TRO: variants seen among roughly 807,000 people sequenced by gnomAD.
The protein encoded by TRO is MAGE superfamily protein.
In TRO, 29 loss-of-function variants were observed where a neutral mutation model predicts 42.3. The observed-to-expected ratio is 0.68, with a 90% confidence interval of 0.51 to 0.93. The LOEUF (loss-of-function observed/expected upper bound fraction) is 0.93, where lower values mean the gene tolerates loss of function less well. TRO is among the 40% of genes least tolerant of loss of function. The pLI is 0.00. For missense variants in TRO, 963 were observed against 1,127.7 expected, an observed-to-expected ratio of 0.85 and a Z score of 2.09; for synonymous variants, 384 against 425.2, an observed-to-expected ratio of 0.90 and a Z score of 1.19.
Position 54,922,963 on chromosome X carries a change from G to A in TRO, c.431G>A (p.Arg144Lys), listed in dbSNP as rs768780372. Residue 144 changes from arginine (R) to lysine (K), a missense_variant, in exon 3 of 13, where the codon AGA becomes AAA. Arg to Lys is a conservative substitution (Grantham distance 26). Transcript: ENST00000173898. ...CCTAAGAAAGCCAACAAGATGAAGA[G>A]AGTTACTGCCAAGGCAGCCCAAGGC... Reference protein sequence around the residue: ...AQPKKANKMKRVTAKAAQGSQ... With the variant: ...AQPKKANKMKKVTAKAAQGSQ... 1.7e-5 allele frequency: 20 copies of A among 1,212,087 alleles called. No individual in the cohort carries two copies. The highest frequency in any genetic ancestry group is 2.2e-5 in the Non-Finnish European group (20 of 895,639).
chrX:54,925,570 A>T (rs1315485646), intron 6 of TRO, 22 bp from the exon 7 acceptor site: 1 of 1,189,740 alleles, frequency 8.4e-7, no homozygotes, highest in Admixed American at 2.2e-5. Context: ...GTGATCTCAC[A>T]GGCTATTCTT....
In TRO at chrX:54,921,606, A is replaced by T. The variant is rs764549162; in HGVS notation, c.-44-597A>T. ...GGGAGGGGGCTTATTAAAGGAAGGG[A>T]AGATGAAGAGAAATGCTGCAGAGCG... On this transcript the variant is annotated intron_variant, in intron 1 of 12. Coordinates refer to ENST00000173898, the MANE Select transcript of TRO (RefSeq NM_001039705.3). Among the ~76,000 whole-genome samples, 327 of 99,478 alleles carry T rather than the reference A, an allele frequency of 3.3e-3. 1 individual carries two copies. Among genetic ancestry groups the T allele is most frequent in the African/African-American group, 0.011 (305 of 26,656 alleles). 86.4% of individuals were successfully genotyped at this position (99,478 alleles called of 115,157 possible).
At chrX:54,922,068 A>T (rs1025148808) in intron 1 of TRO, 135 bp from the exon 2 acceptor site, 18 of 442,015 alleles carry the variant, frequency 4.1e-5, no homozygotes, top group Admixed American at 3.1e-4. Flanking sequence ...CTTGGAAACC[A>T]GATGGCCTGG....
At chrX:54,927,542 G>T (rs1309063997) in intron 10 of TRO, 125 bp from the exon 11 acceptor site, 4 of 491,426 alleles carry the variant, frequency 8.1e-6, no homozygotes, top group Non-Finnish European at 1.4e-5. Context: ...TCTGGGGCTG[G>T]AGGGTCTTAG....
chrX:54,926,876 G>C, intron 9 of TRO, 167 bp from the exon 10 acceptor site: 1 of 627,948 alleles, frequency 1.6e-6, no homozygotes, highest in Non-Finnish European at 2.4e-6. Context: ...TGACAAAGAG[G>C]CATCTGGTCT....
At position 54,928,846 on chromosome X, in the gene TRO, G is replaced by C; in HGVS notation, c.2122G>C (p.Glu708Gln). 2.5e-6 allele frequency: 3 copies of C among 1,211,774 alleles called. No homozygotes were observed. The highest frequency in any genetic ancestry group is 3.4e-6 in the Non-Finnish European group (3 of 895,426). Reference protein sequence around the residue: ...QAWSRFSFEIEARAQENADAS... With the variant: ...QAWSRFSFEIQARAQENADAS... ...CTGGAGCAGATTTTCATTTGAAATTGAGGCCAGAGCCCAAGAAAATGCAGA... is the reference window on the plus strand; with the variant it reads ...CTGGAGCAGATTTTCATTTGAAATTCAGGCCAGAGCCCAAGAAAATGCAGA... Residue 708 changes from glutamate to glutamine, a missense_variant, in exon 12 of 13, where the codon GAG becomes CAG. Coordinates refer to ENST00000173898, the MANE Select transcript of TRO (RefSeq NM_001039705.3).
At chrX:54,925,189 T>C in intron 6 of TRO, 121 bp downstream of exon 6, 2 of 686,942 alleles carry the variant, frequency 2.9e-6, no homozygotes, top group Non-Finnish European at 4.4e-6. Flanking sequence ...ACTGTGTGAA[T>C]GGGCAGACAG....
At chrX:54,922,127 T>C (rs1932158281) in intron 1 of TRO, 76 bp from the exon 2 acceptor site, 1 of 814,896 alleles carries the variant, frequency 1.2e-6, no homozygotes, top group Non-Finnish European at 1.7e-6. Flanking sequence ...GGGCCCAAGG[T>C]TACATGAGAC....
chrX:54,924,190 G>T (rs1932477528), intron 3 of TRO, among the ~76,000 whole-genome samples: 1 of 112,036 alleles, frequency 8.9e-6, no homozygotes, highest in African/African-American at 3.2e-5. Flanking sequence ...ATTGGTGGTA[G>T]CCAGAGGAAG....
In TRO at chrX:54,930,777, C is replaced by T. The variant is rs1933099240; in HGVS notation, c.4053C>T (p.Pro1351=). The T allele has an allele frequency of 8.3e-7, 1 of 1,210,992 alleles. No individual in the cohort carries two copies. The highest frequency in any genetic ancestry group is 1.7e-5 in the African/African-American group (1 of 57,466). ...CCAGCACTGGCTTTACTGGCGAACC[C>T]AGCACCAGCACGGGCTTCAGTAGTG... ...SNTSTGFTGE[P]STSTGFSSGP... The change falls in exon 12 of 13, where the codon CCC becomes CCT. Residue 1351 remains proline (P), a synonymous_variant. Transcript: ENST00000173898.
rs775606357 is a variant in TRO, at chrX:54,929,879, C to T, written c.3155C>T (p.Ser1052Phe). 3 of 1,210,655 alleles carry T rather than the reference C, an allele frequency of 2.5e-6. No homozygotes were observed. In the Admixed American group the frequency reaches 6.5e-5, roughly 26 times the overall value. ...AGCACCAGCGTCTGTTTTGGTGGCT[C>T]TCCCAGCACCAGTGCTGGCTTTGGT... ...TLSTSVCFGGSPSTSAGFGGA... is the reference protein window; with the variant it reads ...TLSTSVCFGGFPSTSAGFGGA... Residue 1052 changes from serine to phenylalanine, a missense_variant, in exon 12 of 13, where the codon TCT becomes TTT. By Grantham distance (155) the Ser-to-Phe change is radical (BLOSUM62 -2). Transcript: ENST00000173898.
Position 54,929,701 on chromosome X carries a change from A to G in TRO, c.2977A>G (p.Met993Val), listed in dbSNP as rs770416431. The change falls in exon 12 of 13, where the codon ATG becomes GTG. Residue 993 changes from methionine to valine, a missense_variant. By Grantham distance (21) the Met-to-Val change is conservative. Coordinates refer to ENST00000173898, the MANE Select transcript of TRO (RefSeq NM_001039705.3). The part of the protein sequence containing the change: ...LNTSTGFGGA[M>V]STSADFGGTL... ...CACCAGTACTGGTTTTGGTGGTGCT[A>G]TGAGCACCAGTGCTGACTTTGGCGG... The G allele has an allele frequency of 7.5e-6, 9 of 1,198,171 alleles. No homozygotes were observed. The highest frequency in any genetic ancestry group is 3.8e-5 in the African/African-American group (2 of 53,017).
chrX:54,927,197 T>C lies in TRO; in HGVS notation c.1763+92T>C, dbSNP rs996129339. ...TGCTTAGTCAGTGCCTTTCTTATAC[T>C]AGCTTTAGAGGGATGGGCATCCTGT... On this transcript the variant is annotated intron_variant, in intron 10 of 12. Coordinates refer to ENST00000173898, the MANE Select transcript of TRO (RefSeq NM_001039705.3). The C allele has an allele frequency of 1.3e-5, 13 of 990,729 alleles. No individual in the cohort carries two copies. The African/African-American group carries it at 1.9e-4, about 14-fold the overall frequency. 81.6% of individuals were successfully genotyped at this position (990,729 alleles called of 1,213,427 possible). A position where few individuals can be genotyped will look rare whatever the true frequency, so the allele number is the denominator to read the frequency against.
Position 54,929,788 on chromosome X carries a change from G to A in TRO, c.3064G>A (p.Ala1022Thr). Residue 1022 changes from alanine (A) to threonine (T), a missense_variant, in exon 12 of 13, where the codon GCA (alanine) becomes ACA (threonine). Ala to Thr is a moderately conservative substitution (Grantham distance 58). Transcript: ENST00000173898. Reference sequence around the variant, plus strand: ...TGGCACCAGTGTCAGCTTTGGCAGTGCACTCAACACCAATGCTGGTTATGG... The same window carrying A: ...TGGCACCAGTGTCAGCTTTGGCAGTACACTCAACACCAATGCTGGTTATGG... ...SPGTSVSFGS[A>T]LNTNAGYGGA... 8.3e-7 allele frequency: 1 copy of A among 1,210,968 alleles called. No homozygotes were observed. Among genetic ancestry groups the A allele is most frequent in the Non-Finnish European group, 1.1e-6 (1 of 895,314 alleles).
In TRO at chrX:54,923,719, A is replaced by T. The variant is rs945566203; in HGVS notation, c.1187A>T (p.Gln396Leu). Residue 396 changes from glutamine to leucine, a missense_variant, in exon 3 of 13, where the codon CAG (glutamine) becomes CTG (leucine). Coordinates refer to ENST00000173898, the MANE Select transcript of TRO (RefSeq NM_001039705.3). ...VQALADDYLA[Q>L]LSLEPTTRTR... ...GCCCTGGCAGATGACTATCTGGCTC[A>T]GTTGAGCCTGGAGCCCACAACCAGG... 2.5e-6 allele frequency: 3 copies of T among 1,209,702 alleles called. No individual in the cohort carries two copies. The highest frequency in any genetic ancestry group is 3.4e-6 in the Non-Finnish European group (3 of 894,674).
rs771620148 is a variant in TRO at position 54,923,012 on chromosome X, G to A, written c.480G>A (p.Glu160=). 3 of 1,212,072 alleles carry A rather than the reference G, an allele frequency of 2.5e-6. No homozygotes were observed. In the South Asian group the frequency reaches 5.3e-5, roughly 21 times the overall value. ...AQGSQSPTGH[E]GGTIQLKSPL... ...GCTCCCAATCCCCAACTGGCCATGA[G>A]GGTGGCACTATACAGCTGAAGTCAC... Residue 160 remains glutamate, a synonymous_variant, in exon 3 of 13, where the codon GAG becomes GAA. Coordinates refer to ENST00000173898, the MANE Select transcript of TRO (RefSeq NM_001039705.3).
rs769427291 is a variant in TRO at position 54,928,997 on chromosome X, C to A, written c.2273C>A (p.Thr758Asn). The A allele has an allele frequency of 1.1e-5, 13 of 1,211,984 alleles. No homozygotes were observed. The South Asian group carries it at 2.1e-4, about 20-fold the overall frequency. The change falls in exon 12 of 13, where the codon ACC becomes AAC. Residue 758 changes from threonine (T) to asparagine (N), a missense_variant. This residue lies in a region of TRO where 641 missense variants were observed against 811.3 expected (regional missense o/e 0.79). Coordinates refer to ENST00000173898, the MANE Select transcript of TRO (RefSeq NM_001039705.3). Reference sequence around the variant, plus strand: ...GGCTTCAGTGGTGGACCTGGCATTACCTTTGGTGTTGCACCCAGCACCAGT... The same window carrying A: ...GGCTTCAGTGGTGGACCTGGCATTAACTTTGGTGTTGCACCCAGCACCAGT... ...SGGFSGGPGI[T>N]FGVAPSTSAS... is the part of the protein sequence containing the mutation.
intron 10 of TRO, 110 bp downstream of exon 10, chrX:54,927,215 C>A: frequency 1.2e-6 from 1 of 843,497 alleles, no homozygotes; most frequent in Non-Finnish European, 1.7e-6. Flanking sequence ...GAGGGATGGG[C>A]ATCCTGTGTC....
In TRO at chrX:54,930,672, C is replaced by T. The variant is rs769339206; in HGVS notation, c.3948C>T (p.Ser1316=). 52 of 1,210,253 alleles carry T rather than the reference C, an allele frequency of 4.3e-5. 1 individual carries two copies. The Admixed American group carries it at 8.1e-4, about 19-fold the overall frequency. ...SAGFSGGLST[S]DGFGSRPNAS... is the part of the protein sequence containing the mutation. ...GCTTTAGTGGTGGCCTCAGCACCAG[C>T]GATGGCTTTGGCAGTAGGCCTAATG... Residue 1316 remains serine, a synonymous_variant, in exon 12 of 13, where the codon AGC becomes AGT. Coordinates refer to ENST00000173898, the MANE Select transcript of TRO (RefSeq NM_001039705.3).
Sources: allele counts gnomAD v4.1 joint callset (sites outside exome capture counted in the v4.1 genomes callset), GRCh38; gene constraint gnomAD v4.1.1; regional missense constraint gnomAD v4.1.1; transcripts MANE v1.5; gene names NCBI Gene and HGNC (gene_info 2026-07-23, HGNC 2026-07-21).